The following PKP2 variants were observed in gnomAD, a reference collection of about 807,000 sequenced individuals.
The protein encoded by PKP2 is plakophilin 2.
PKP2 carries 73 observed loss-of-function variants against 83.4 expected under a neutral mutation model. The observed-to-expected ratio is 0.88, with a 90% CI of 0.72 to 1.06. The LOEUF is 1.06. Ranked by LOEUF, PKP2 falls within the 50% of genes least tolerant of loss-of-function variation. The pLI is 0.00. For synonymous variants in PKP2, 409 were observed against 430.4 expected, an observed-to-expected ratio of 0.95 and a Z score of 0.62; for missense variants, 966 against 1,065.4, an observed-to-expected ratio of 0.91 and a Z score of 1.30.
chr12:32,862,817 GGC>G (rs1956812539), intron 4 of PKP2, among the ~76,000 whole-genome samples: 1 of 150,926 alleles, frequency 6.6e-6, no homozygotes, highest in Non-Finnish European at 1.5e-5. Flanking sequence ...TGGCCAACAT[GGC>G]AAAACCCTAC....
chr12:32,832,331 T>C (rs918103061), intron 6 of PKP2, among the ~76,000 whole-genome samples: 1 of 152,030 alleles, frequency 6.6e-6, no homozygotes, highest in Non-Finnish European at 1.5e-5. Flanking sequence ...TGAGCCAAGA[T>C]TGTGCCACTG....
chr12:32,885,671 A>C (rs1474204618), intron 1 of PKP2, among the ~76,000 whole-genome samples: 5 of 151,402 alleles, frequency 3.3e-5, no homozygotes, highest in African/African-American at 1.2e-4. Context: ...CCCCCCCCCA[A>C]AAAAAAAACT....
intron 6 of PKP2, among the ~76,000 whole-genome samples, chr12:32,833,780 C>T (rs1956521429): frequency 6.6e-6 from 1 of 152,058 alleles, no homozygotes; most frequent in South Asian, 2.1e-4. Context: ...CATACACAGG[C>T]ATAAAATGCA....
intron 5 of PKP2, among the ~76,000 whole-genome samples, chr12:32,841,961 TTC>T (rs1489228518): frequency 6.6e-6 from 1 of 152,214 alleles, no homozygotes; most frequent in Admixed American, 6.5e-5. Flanking sequence ...TCATTAAATT[TTC>T]TCTTTCCTCT....
intron 5 of PKP2, among the ~76,000 whole-genome samples, chr12:32,849,708 A>T (rs1956680347): frequency 6.6e-6 from 1 of 152,218 alleles, no homozygotes; most frequent in Non-Finnish European, 1.5e-5. Context: ...TTTTAATTCT[A>T]TCTGATTAGT....
rs1442934924 is a variant in PKP2, at chr12:32,802,404, A to C, written c.2166T>G (p.Ile722Met). 4 of 1,613,984 alleles carry C rather than the reference A, an allele frequency of 2.5e-6. No homozygotes were observed. In the South Asian group the frequency reaches 4.4e-5, roughly 18 times the overall value. ...ACATAGATACTTATACCGACTCACC[A>C]ATTTCATTCTGCAGAGAAAGATTCC... ...LSRNLSLQNE[I>M]AKETLPDLVS... is the part of the protein sequence containing the mutation. The change falls in exon 10 of 13, where the codon ATT becomes ATG. Residue 722 changes from isoleucine to methionine, a missense_variant and splice_region_variant. Physicochemically the swap from Ile to Met is conservative, Grantham distance 10. Transcript: ENST00000340811.
At position 32,841,074 on chromosome 12, in the gene PKP2, C is replaced by A. The variant is rs374641292; in HGVS notation, c.1510G>T (p.Gly504Cys). The change falls in exon 6 of 13, where the codon GGT (glycine) becomes TGT (cysteine). Residue 504 changes from glycine to cysteine, a missense_variant. Coordinates refer to ENST00000340811, the MANE Select transcript of PKP2 (RefSeq NM_001005242.3). ...TAGAATATGTCAAAATCGAGCAAAC[C>A]ATTTGCTTTTGGGTAGTCTCCTTCA... ...WPEGDYPKAN[G>C]LLDFDIFYNV... 3 of 1,613,738 alleles carry A rather than the reference C, an allele frequency of 1.9e-6. No individual in the cohort carries two copies. In the African/African-American group the frequency reaches 4.0e-5, roughly 22 times the overall value.
At chr12:32,866,377 A>T (rs1049004652) in intron 4 of PKP2, among the ~76,000 whole-genome samples, 1 of 151,730 alleles carries the variant, frequency 6.6e-6, no homozygotes, top group African/African-American at 2.4e-5. Flanking sequence ...ACATGGTGAA[A>T]CCCCATCTCT....
Position 32,864,309 on chromosome 12 carries a change from T to TACAC in PKP2, c.1170+4614_1170+4617dup, listed in dbSNP as rs35886681. ...GAGGTTCTAGCAAGTACTATACACA[T>TACAC]ACACACACACACACACACACACACA... On this transcript the variant is annotated intron_variant, in intron 4 of 12. Transcript: ENST00000340811. 4.3e-3 allele frequency among the ~76,000 whole-genome samples: 621 copies of TACAC among 145,844 alleles called. 1 individual carries two copies. Among genetic ancestry groups the TACAC allele is most frequent in the Middle Eastern group, 0.011 (3 of 270 alleles).
At chr12:32,818,358 G>A (rs568564328) in intron 9 of PKP2, among the ~76,000 whole-genome samples, 49 of 152,230 alleles carry the variant, frequency 3.2e-4, no homozygotes, top group African/African-American at 1.1e-3. Context: ...CTACTCAAGA[G>A]GCTGAGGCAC....
At chr12:32,801,340 T>A (rs1262392574) in intron 10 of PKP2, among the ~76,000 whole-genome samples, 1 of 151,870 alleles carries the variant, frequency 6.6e-6, no homozygotes, top group African/African-American at 2.4e-5. Flanking sequence ...AGGGAAAGGA[T>A]AATACACTGC....
At chr12:32,833,111 C>T (rs568640164) in intron 6 of PKP2, among the ~76,000 whole-genome samples, 4 of 152,178 alleles carry the variant, frequency 2.6e-5, no homozygotes, top group South Asian at 2.1e-4. Context: ...GGCGAGGTGC[C>T]GTGCACCTGT....
At chr12:32,802,685 GTCTC>G in intron 9 of PKP2, 129 bp from the exon 10 acceptor site, 2 of 823,418 alleles carry the variant, frequency 2.4e-6, no homozygotes, top group African/African-American at 1.7e-5. Context: ...TTGAGACAAA[GTCTC>G]TCTCTGTCAT....
intron 9 of PKP2, 29 bp from the exon 10 acceptor site, chr12:32,802,585 C>T (rs1031462613): frequency 6.2e-7 from 1 of 1,603,006 alleles, no homozygotes; most frequent in African/African-American, 1.3e-5. Flanking sequence ...CCTATAAGTG[C>T]TATTGTATTT....
chr12:32,865,674 T>C (rs1956841679), intron 4 of PKP2, among the ~76,000 whole-genome samples: 1 of 49,874 alleles, frequency 2.0e-5, no homozygotes, highest in South Asian at 8.3e-4. Flanking sequence ...ACAGAGTGAC[T>C]CCGTCTCAAA....
At chr12:32,847,297 T>C (rs550867546) in intron 5 of PKP2, among the ~76,000 whole-genome samples, 9 of 152,352 alleles carry the variant, frequency 5.9e-5, no homozygotes, top group Admixed American at 4.6e-4. Context: ...GATGTTCAAA[T>C]GTCTGTTTGG....
intron 6 of PKP2, among the ~76,000 whole-genome samples, chr12:32,837,957 T>C (rs1173956689): frequency 6.6e-6 from 1 of 152,196 alleles, no homozygotes; most frequent in African/African-American, 2.4e-5. Flanking sequence ...AGAATTACCA[T>C]TCAATCCAGC....
intron 6 of PKP2, among the ~76,000 whole-genome samples, chr12:32,839,697 A>G (rs1956572430): frequency 6.6e-6 from 1 of 152,158 alleles, no homozygotes; most frequent in Admixed American, 6.5e-5. Context: ...AAAGAGTCCT[A>G]ATACATCTGC....
intron 9 of PKP2, chr12:32,820,998 G>A (rs73303606): frequency 2.0e-4 from 59 of 290,676 alleles, no homozygotes; most frequent in South Asian, 1.8e-3. Context: ...AACCAAGCCC[G>A]GAGATGAAGA....
Sources: gnomAD v4.1 joint callset for allele counts (sites outside exome capture counted in the v4.1 genomes callset) on GRCh38, gnomAD v4.1.1 for gene constraint, MANE v1.5 for transcripts, NCBI Gene and HGNC (gene_info 2026-07-23, HGNC 2026-07-21) for gene names.